The following ZFP64 variants were observed in gnomAD, a reference collection of about 807,000 sequenced individuals.
The protein encoded by ZFP64 is ZFP64 zinc finger protein.
ZFP64 carries 14 observed loss-of-function variants against 51.6 expected under a neutral mutation model. That is an observed-to-expected ratio of 0.27 (90% confidence interval 0.18 to 0.42). The LOEUF is 0.42. Among genes scored for constraint, ZFP64 ranks in the 10% least tolerant of loss-of-function variants. ZFP64 has a pLI of 1.00. For missense variants in ZFP64, 754 were observed against 906.8 expected, an observed-to-expected ratio of 0.83 and a Z score of 2.16; for synonymous variants, 375 against 361.4, an observed-to-expected ratio of 1.04 and a Z score of -0.43.
intron 5 of ZFP64, among the ~76,000 whole-genome samples, chr20:52,129,248 A>AT (rs1055742554): frequency 6.7e-6 from 1 of 149,644 alleles, no homozygotes; most frequent in Non-Finnish European, 1.5e-5. Context: ...CGCCCGGTGA[A>AT]TTTTTTTTCT....
intron 2 of ZFP64, among the ~76,000 whole-genome samples, chr20:52,186,141 C>T (rs1311310627): frequency 1.3e-5 from 2 of 152,142 alleles, no homozygotes; most frequent in African/African-American, 2.4e-5. Flanking sequence ...CTAAGGAATA[C>T]ATTCTCTGTT....
chr20:52,121,852 T>G (rs74810503), intron 5 of ZFP64, among the ~76,000 whole-genome samples: 109 of 152,302 alleles, frequency 7.2e-4, no homozygotes, highest in African/African-American at 2.6e-3. Context: ...ATTTTCTTGT[T>G]AGGGGCTAAT....
At chr20:52,142,382 A>ACACACACACACGTG (rs879903441) in intron 5 of ZFP64, among the ~76,000 whole-genome samples, 117 of 84,480 alleles carry the variant, frequency 1.4e-3, no homozygotes, top group African/African-American at 3.9e-3. Context: ...ACACAGACAC[A>ACACACACACACGTG]CACACACACA....
chr20:52,098,255 G>A (rs929958423), intron 6 of ZFP64, among the ~76,000 whole-genome samples: 4 of 151,530 alleles, frequency 2.6e-5, no homozygotes, highest in East Asian at 3.9e-4. Context: ...TGAGTCCCAC[G>A]CTGAGCTCTG....
chr20:52,112,092 A>AAC (rs1555881074), intron 5 of ZFP64, among the ~76,000 whole-genome samples: 1 of 137,724 alleles, frequency 7.3e-6, no homozygotes, highest in African/African-American at 2.7e-5. Context: ...CAAAAAAAAA[A>AAC]AAAAAAAACA....
intron 5 of ZFP64, among the ~76,000 whole-genome samples, chr20:52,129,980 C>G (rs1979646094): frequency 6.6e-6 from 1 of 152,134 alleles, no homozygotes; most frequent in African/African-American, 2.4e-5. Context: ...CTCACTCTTC[C>G]CTGGCCACGT....
chr20:52,110,637 G>A lies in ZFP64; in HGVS notation c.764-12050C>T, dbSNP rs1190899691. 5 of 1,099,860 alleles carry A rather than the reference G, an allele frequency of 4.5e-6. No individual in the cohort carries two copies. The East Asian group carries it at 7.2e-5, about 16-fold the overall frequency. 68.1% of individuals were successfully genotyped at this position (1,099,860 alleles called of 1,614,324 possible). On this transcript the variant is annotated intron_variant, in intron 5 of 8. Coordinates refer to the ZFP64 transcript ENST00000361387. The stretch of plus-strand genomic sequence containing the variant: ...AGGCCCTGATGAACTCCTGGCCAGG[G>A]TGTCCTATGCAGCTGGCCACCAGGC...
chr20:52,085,143 C>G lies in ZFP64; in HGVS notation c.1352G>C (p.Cys451Ser). The G allele has an allele frequency of 6.2e-7, 1 of 1,614,244 alleles. No individual in the cohort carries two copies. The highest frequency in any genetic ancestry group is 8.5e-7 in the Non-Finnish European group (1 of 1,180,050). The change falls in exon 9 of 9, where the codon TGC (cysteine) becomes TCC (serine). Residue 451 changes from cysteine (C) to serine (S), a missense_variant. Physicochemically the swap from Cys to Ser is moderately radical, Grantham distance 112. Coordinates refer to the ZFP64 transcript ENST00000361387. This position sits in a 1 kb window ranked among gnomAD's most constrained non-coding sequence, Gnocchi z 4.3. Reference sequence around the variant, plus strand: ...CGATTTGAGATTCGCCTTCATGGTGCAGCGGACGTCGCAGAACTCGCACTT... The same window carrying G: ...CGATTTGAGATTCGCCTTCATGGTGGAGCGGACGTCGCAGAACTCGCACTT...
intron 5 of ZFP64, among the ~76,000 whole-genome samples, chr20:52,138,098 T>C (rs1883829959): frequency 1.3e-5 from 2 of 151,724 alleles, no homozygotes; most frequent in Admixed American, 1.3e-4. Context: ...TCCCAACTAC[T>C]TGGGAGGCTG....
At chr20:52,102,645 C>T (rs2079065521) in intron 5 of ZFP64, among the ~76,000 whole-genome samples, 1 of 152,044 alleles carries the variant, frequency 6.6e-6, no homozygotes, top group Non-Finnish European at 1.5e-5. Context: ...GAAAACAAAT[C>T]TAAGTGAGGC....
intron 2 of ZFP64, among the ~76,000 whole-genome samples, chr20:52,183,898 C>T (rs1371475110): frequency 6.6e-6 from 1 of 152,160 alleles, no homozygotes. Flanking sequence ...CACTCTGTTG[C>T]CCAGTGGGGA....
At chr20:52,094,143 T>G (rs2078959260) in intron 7 of ZFP64, among the ~76,000 whole-genome samples, 1 of 152,066 alleles carries the variant, frequency 6.6e-6, no homozygotes, top group Non-Finnish European at 1.5e-5. Flanking sequence ...CTGGGGTGAC[T>G]GTGGGGGATA....
chr20:52,187,635 ATT>A (rs201145161), intron 1 of ZFP64, among the ~76,000 whole-genome samples: 1 of 149,898 alleles, frequency 6.7e-6, no homozygotes, highest in African/African-American at 2.5e-5. Context: ...AAAAAAAATA[ATT>A]TTTTTTTTCA....
At chr20:52,119,452 A>G (rs1177707985) in intron 5 of ZFP64, among the ~76,000 whole-genome samples, 1 of 150,486 alleles carries the variant, frequency 6.6e-6, no homozygotes, top group Non-Finnish European at 1.5e-5. Context: ...TGAACCCAGG[A>G]GGCGGAGGTT....
chr20:52,177,018 A>C (rs964390514), intron 2 of ZFP64, among the ~76,000 whole-genome samples: 8 of 152,152 alleles, frequency 5.3e-5, no homozygotes, highest in African/African-American at 1.9e-4. Flanking sequence ...TGGATGGAAC[A>C]GAGCTTCCTC....
chr20:52,139,689 A>G (rs976250210), intron 5 of ZFP64, among the ~76,000 whole-genome samples: 1 of 152,184 alleles, frequency 6.6e-6, no homozygotes, highest in African/African-American at 2.4e-5. Context: ...AGAAAATGGC[A>G]TAATGAGAGA....
rs11469696 is a variant in ZFP64 at position 52,161,450 on chromosome 20, C to CTTTTTTTTT, written c.512-1085_512-1077dup. On this transcript the variant is annotated intron_variant, in intron 4 of 5. Transcript: ENST00000216923. ...CCCAGGACCGTCTTGTGATTGCTTT[C>CTTTTTTTTT]TTTTTTTTTTTTTTTTTTTTTGCCA... is the stretch of plus-strand genomic sequence containing the variant. Among the ~76,000 whole-genome samples the CTTTTTTTTT allele has an allele frequency of 3.4e-4, 39 of 115,142 alleles. 4 individuals carry two copies. The highest frequency in any genetic ancestry group is 1.1e-3 in the African/African-American group (34 of 30,058). 75.5% of individuals were successfully genotyped at this position (115,142 alleles called of 152,430 possible). A position where few individuals can be genotyped will look rare whatever the true frequency, so the allele number is the denominator to read the frequency against.
chr20:52,098,876 C>T (rs932935525), intron 5 of ZFP64, among the ~76,000 whole-genome samples: 1 of 151,826 alleles, frequency 6.6e-6, no homozygotes, highest in Non-Finnish European at 1.5e-5. Flanking sequence ...GTGGTATGTG[C>T]CTGTAGTCCC....
downstream of ZFP64, among the ~76,000 whole-genome samples, chr20:52,150,050 A>G (rs1412713909): frequency 6.6e-6 from 1 of 151,976 alleles, no homozygotes; most frequent in African/African-American, 2.4e-5. Flanking sequence ...CTAAAAATAC[A>G]AAAAATTAGC....
Sources: allele counts gnomAD v4.1 joint callset (sites outside exome capture counted in the v4.1 genomes callset), GRCh38; gene constraint gnomAD v4.1.1; non-coding constraint Gnocchi (gnomAD v3.1); transcripts MANE v1.5; gene names NCBI Gene and HGNC (gene_info 2026-07-23, HGNC 2026-07-21).